CSMD1: variants seen among roughly 807,000 people sequenced by gnomAD.
CSMD1 encodes CUB and sushi domain-containing protein 1.
CSMD1 carries 213 observed loss-of-function variants against 417.5 expected under a neutral mutation model. The ratio of observed to expected loss-of-function variants is 0.51; its 90% CI spans 0.46 to 0.57. The LOEUF (loss-of-function observed/expected upper bound fraction) is 0.57. CSMD1 is among the 20% of genes least tolerant of loss of function. The pLI, the probability that CSMD1 is intolerant of heterozygous loss-of-function variation, is 0.00. For missense variants in CSMD1, 6,923 were observed against 4,529.7 expected, an observed-to-expected ratio of 1.53 and a Z score of -15.17; for synonymous variants, 2,862 against 1,736.8, an observed-to-expected ratio of 1.65 and a Z score of -16.11.
At chr8:3,325,165 C>G (rs1283192666) in intron 23 of CSMD1, among the ~76,000 whole-genome samples, 1 of 152,186 alleles carries the variant, frequency 6.6e-6, no homozygotes, top group Non-Finnish European at 1.5e-5. Flanking sequence ...TGACCTGTGA[C>G]CCCTTACCCA....
rs535998781 is a variant in CSMD1 at position 3,669,833 on chromosome 8, G to C, written c.1009+38581C>G. ...CAGCCAATTCAGAGAACAGGACACA[G>C]TGGGTGATGTCAGCCATGAACAGGA... is the stretch of plus-strand genomic sequence containing the variant. On this transcript the variant is annotated intron_variant, in intron 7 of 69. Coordinates refer to ENST00000635120, the MANE Select transcript of CSMD1 (RefSeq NM_033225.6). Among the ~76,000 whole-genome samples, 10 of 152,270 alleles carry C rather than the reference G, an allele frequency of 6.6e-5. No homozygotes were observed. The South Asian group carries it at 2.1e-3, about 32-fold the overall frequency.
chr8:4,340,256 G>C (rs548439084), intron 3 of CSMD1, among the ~76,000 whole-genome samples: 5 of 151,980 alleles, frequency 3.3e-5, no homozygotes, highest in Admixed American at 6.6e-5. Context: ...CTGAAGCCTG[G>C]AAGATTTGTC....
chr8:3,291,352 G>A (rs1464765046), intron 25 of CSMD1, among the ~76,000 whole-genome samples: 1 of 36,382 alleles, frequency 2.7e-5, no homozygotes, highest in Non-Finnish European at 7.4e-5. Flanking sequence ...AATAAGTTAG[G>A]GAGGATTCCC....
At chr8:3,826,984 G>A (rs1036953376) in intron 5 of CSMD1, among the ~76,000 whole-genome samples, 11 of 151,994 alleles carry the variant, frequency 7.2e-5, no homozygotes, top group African/African-American at 2.2e-4. Flanking sequence ...GTGTTGCTAT[G>A]TTGCCCAAGC....
intron 7 of CSMD1, among the ~76,000 whole-genome samples, chr8:3,644,313 A>G (rs535828430): frequency 1.3e-5 from 2 of 152,336 alleles, no homozygotes; most frequent in South Asian, 2.1e-4. Flanking sequence ...AATTTTGCTG[A>G]AAGCATAGGT....
At chr8:4,674,911 C>G (rs1320044594) in intron 1 of CSMD1, among the ~76,000 whole-genome samples, 1 of 152,084 alleles carries the variant, frequency 6.6e-6, no homozygotes, top group East Asian at 1.9e-4. Flanking sequence ...GCATTAGTCC[C>G]TTTATAAGAA....
intron 2 of CSMD1, among the ~76,000 whole-genome samples, chr8:4,629,525 C>A (rs554493362): frequency 6.6e-6 from 1 of 152,224 alleles, no homozygotes; most frequent in African/African-American, 2.4e-5. Flanking sequence ...AGAAACAATT[C>A]TTTGTCTTTC....
At chr8:4,414,396 T>C (rs1013176188) in intron 3 of CSMD1, among the ~76,000 whole-genome samples, 2 of 152,160 alleles carry the variant, frequency 1.3e-5, no homozygotes, top group Non-Finnish European at 1.5e-5. Context: ...TGTATAGAAC[T>C]GTAGGCCATT....
At chr8:4,199,575 C>T (rs1446533389) in intron 3 of CSMD1, among the ~76,000 whole-genome samples, 1 of 152,166 alleles carries the variant, frequency 6.6e-6, no homozygotes. Context: ...TACCGGACAA[C>T]AGACAAACCA....
intron 5 of CSMD1, among the ~76,000 whole-genome samples, chr8:3,962,572 G>C (rs758642291): frequency 3.3e-5 from 5 of 152,058 alleles, no homozygotes; most frequent in Non-Finnish European, 5.9e-5. Flanking sequence ...TTCACACGAG[G>C]AGTAAGCAAT....
intron 5 of CSMD1, among the ~76,000 whole-genome samples, chr8:3,898,265 G>C (rs755614565): frequency 1.3e-5 from 2 of 152,104 alleles, no homozygotes; most frequent in Non-Finnish European, 2.9e-5. Context: ...ACTGCAAGAA[G>C]CATGAATACA....
At position 3,180,700 on chromosome 8, in the gene CSMD1, A is replaced by T. The variant is rs1040025752; in HGVS notation, c.5725+410T>A. ...ACCCGGGCTGGTGTGCAGTGGTGCAATCTTGGCTCATGGCAACCTCTGCCT... is the reference window on the plus strand; with the variant it reads ...ACCCGGGCTGGTGTGCAGTGGTGCATTCTTGGCTCATGGCAACCTCTGCCT... On this transcript the variant is annotated intron_variant, in intron 37 of 69. Transcript: ENST00000635120. Among the ~76,000 whole-genome samples the T allele has an allele frequency of 7.9e-5, 12 of 152,210 alleles. No homozygotes were observed. The East Asian group carries it at 2.3e-3, about 29-fold the overall frequency.
At position 3,469,575 on chromosome 8, in the gene CSMD1, A is replaced by G. The variant is rs192495399; in HGVS notation, c.1449-751T>C. On this transcript the variant is annotated intron_variant, in intron 11 of 69. Coordinates refer to ENST00000635120, the MANE Select transcript of CSMD1 (RefSeq NM_033225.6). ...TTGATTGAACTCAACATGCTGACAG[A>G]AAAGCATGTTGAAATAGAAAAAGTG... 7.9e-5 allele frequency among the ~76,000 whole-genome samples: 12 copies of G among 152,330 alleles called. 1 individual carries two copies. Among genetic ancestry groups the G allele is most frequent in the Admixed American group, 7.2e-4 (11 of 15,298 alleles).
intron 2 of CSMD1, among the ~76,000 whole-genome samples, chr8:4,552,002 C>T (rs1395047804): frequency 6.6e-6 from 1 of 152,014 alleles, no homozygotes; most frequent in Non-Finnish European, 1.5e-5. Flanking sequence ...CATTCTTTAG[C>T]AAACTAAAAG....
intron 5 of CSMD1, among the ~76,000 whole-genome samples, chr8:3,944,304 G>A (rs943880307): frequency 2.6e-5 from 4 of 151,982 alleles, no homozygotes; most frequent in Non-Finnish European, 4.4e-5. Context: ...TTTGAGCCCC[G>A]GATAATTAAC....
chr8:3,744,647 G>C (rs1444106828), intron 6 of CSMD1, among the ~76,000 whole-genome samples: 1 of 152,216 alleles, frequency 6.6e-6, no homozygotes, highest in African/African-American at 2.4e-5. Flanking sequence ...AAGTTCCAAA[G>C]CACATGCTAT....
At chr8:4,821,151 G>T (rs536034456) in intron 1 of CSMD1, among the ~76,000 whole-genome samples, 2 of 152,268 alleles carry the variant, frequency 1.3e-5, no homozygotes, top group South Asian at 2.1e-4. Context: ...ACTTCTCTGA[G>T]TCACAGATCC....
intron 2 of CSMD1, among the ~76,000 whole-genome samples, chr8:4,632,887 A>C (rs896916270): frequency 6.6e-6 from 1 of 152,186 alleles, no homozygotes; most frequent in African/African-American, 2.4e-5. Context: ...ATTCTCTTGT[A>C]AGGTCAGGTC....
At chr8:4,206,281 G>C (rs1328449343) in intron 3 of CSMD1, among the ~76,000 whole-genome samples, 1 of 152,000 alleles carries the variant, frequency 6.6e-6, no homozygotes, top group Non-Finnish European at 1.5e-5. Flanking sequence ...TGCCATGTTG[G>C]TGTGCTGCAC....
Sources: gnomAD v4.1 joint callset for allele counts (sites outside exome capture counted in the v4.1 genomes callset) on GRCh38, gnomAD v4.1.1 for gene constraint, MANE v1.5 for transcripts, NCBI Gene and HGNC (gene_info 2026-07-23, HGNC 2026-07-21) for gene names.